Variants in TMEM131 observed in about 807,000 individuals in gnomAD.
The protein encoded by TMEM131 is 2610524E03Rik.
In TMEM131, 66 loss-of-function variants were observed where a neutral mutation model predicts 211.6. That is an observed-to-expected ratio of 0.31 (90% CI 0.26 to 0.38). TMEM131 has a LOEUF of 0.38. Among genes scored for constraint, TMEM131 ranks in the 10% least tolerant of loss-of-function variants. TMEM131 has a pLI of 1.00. For synonymous variants in TMEM131, 844 were observed against 841.3 expected (o/e 1.00, Z -0.06); for missense variants, 2,036 against 2,299.3 (o/e 0.89, Z 2.34).
chr2:97,897,323 T>C (rs1675655691), intron 3 of TMEM131, among the ~76,000 whole-genome samples: 1 of 152,092 alleles, frequency 6.6e-6, no homozygotes, highest in Non-Finnish European at 1.5e-5. Flanking sequence ...TTAATGTAAG[T>C]GATGAAAGTG....
intron 40 of TMEM131, among the ~76,000 whole-genome samples, chr2:97,758,085 T>C (rs1382299162): frequency 6.6e-6 from 1 of 151,764 alleles, no homozygotes; most frequent in African/African-American, 2.4e-5. Flanking sequence ...TGAGCCGAGA[T>C]TGTGCCACTG....
intron 24 of TMEM131, 58 bp downstream of exon 24, chr2:97,802,370 A>G: frequency 2.3e-6 from 3 of 1,290,950 alleles, no homozygotes; most frequent in South Asian, 1.4e-5. Flanking sequence ...TTTTAAGTGA[A>G]TAAAATACTA....
chr2:97,774,632 A>G lies in TMEM131; in HGVS notation c.4320+1211T>C, dbSNP rs1679627280. On this transcript the variant is annotated intron_variant, in intron 32 of 40. Coordinates refer to ENST00000186436, the MANE Select transcript of TMEM131 (RefSeq NM_015348.2). ...AAGAATGACATCAGTGGGTGAGCAC[A>G]GAACACTGGCCACTGGGGGCCGCTG... Among the ~76,000 whole-genome samples, 3 of 152,324 alleles carry G rather than the reference A, an allele frequency of 2.0e-5. No individual in the cohort carries two copies. In the South Asian group the frequency reaches 6.2e-4, roughly 32 times the overall value.
Position 97,814,048 on chromosome 2 carries a change from T to C in TMEM131, c.1540A>G (p.Ile514Val). The change falls in exon 15 of 41, where the codon ATT becomes GTT. Residue 514 changes from isoleucine to valine, a missense_variant. Coordinates refer to ENST00000186436, the MANE Select transcript of TMEM131 (RefSeq NM_015348.2). ...GTAATAAGTAAAATGTTGTTATCAA[T>C]GTGCATGGATGATGTGGAAGGCATA... ...LFMPSTSSMH[I>V]DNNILLITNA... 6.2e-7 allele frequency: 1 copy of C among 1,601,924 alleles called. No homozygotes were observed. Among genetic ancestry groups the C allele is most frequent in the Non-Finnish European group, 8.5e-7 (1 of 1,173,212 alleles).
At position 97,757,039 on chromosome 2, in the gene TMEM131, GAA is replaced by G. The variant is rs1678522008; in HGVS notation, c.*58_*59del. 1 of 1,497,224 alleles carries G rather than the reference GAA, an allele frequency of 6.7e-7. No homozygotes were observed. Among genetic ancestry groups the G allele is most frequent in the African/African-American group, 1.4e-5 (1 of 71,584 alleles). The allele number at this position is 1,497,224 out of a possible 1,614,324, so 92.7% of individuals were successfully genotyped here. On this transcript the variant is annotated 3_prime_UTR_variant, in exon 41 of 41. Coordinates refer to ENST00000186436, the MANE Select transcript of TMEM131 (RefSeq NM_015348.2). ...GTAAGAGCCTTAAAAAGATGTCTCAGAAACTGGCACATCATGATCTAGACGAG... is the reference window on the plus strand; with the variant it reads ...GTAAGAGCCTTAAAAAGATGTCTCAGACTGGCACATCATGATCTAGACGAG...
chr2:97,985,171 T>A (rs924355841), intron 1 of TMEM131, among the ~76,000 whole-genome samples: 1 of 152,146 alleles, frequency 6.6e-6, no homozygotes, highest in Non-Finnish European at 1.5e-5. Flanking sequence ...ACTTAAGGTA[T>A]TTTTCTCTTA....
At chr2:97,889,364 T>C (rs569194540) in intron 3 of TMEM131, among the ~76,000 whole-genome samples, 29 of 152,244 alleles carry the variant, frequency 1.9e-4, no homozygotes, top group African/African-American at 7.0e-4. Flanking sequence ...CATCTATTCC[T>C]TCCTGCTTTC....
In TMEM131 at chr2:97,817,723, T is replaced by C. The variant is rs187538956; in HGVS notation, c.1183+890A>G. Among the ~76,000 whole-genome samples, 211 of 152,270 alleles carry C rather than the reference T, an allele frequency of 1.4e-3. 1 individual carries two copies. The highest frequency in any genetic ancestry group is 4.8e-3 in the African/African-American group (200 of 41,556). ...AGACCCTCCCTAGAACTCTCCACAG[T>C]GAGCAGCAGGCATAGATACTCTCAT... On this transcript the variant is annotated intron_variant, in intron 12 of 40. Transcript: ENST00000186436.
intron 5 of TMEM131, among the ~76,000 whole-genome samples, chr2:97,855,082 C>T (rs1029934935): frequency 1.3e-5 from 2 of 152,218 alleles, no homozygotes; most frequent in Non-Finnish European, 2.9e-5. Context: ...TCTCTGTTTT[C>T]ACTGGTAAAA....
intron 38 of TMEM131, 76 bp downstream of exon 38, chr2:97,760,517 A>G: frequency 1.5e-6 from 2 of 1,300,244 alleles, no homozygotes; most frequent in East Asian, 2.5e-5. Context: ...CCTGAAACCC[A>G]TTTATGGATA....
chr2:97,943,042 AAAGAAAGAAAGAAAGAAAGAAAGAAAG>A (rs1677850960), intron 1 of TMEM131, among the ~76,000 whole-genome samples: 1 of 48,194 alleles, frequency 2.1e-5, no homozygotes, highest in Admixed American at 2.3e-4. Context: ...AAAAGAAAAG[AAAGAAAGAAAGAAAGAAAGAAAGAAAG>A]AAAGAAAGAA....
At chr2:97,926,796 A>G (rs1677010412) in intron 2 of TMEM131, among the ~76,000 whole-genome samples, 1 of 152,234 alleles carries the variant, frequency 6.6e-6, no homozygotes, top group African/African-American at 2.4e-5. Context: ...AATTTTTAGA[A>G]TGGATTATCA....
intron 2 of TMEM131, among the ~76,000 whole-genome samples, chr2:97,922,264 ACTT>A (rs1289819322): frequency 6.6e-6 from 1 of 152,132 alleles, no homozygotes; most frequent in African/African-American, 2.4e-5. Flanking sequence ...GGTAATGTTC[ACTT>A]CTTCACCCAC....
Position 97,995,725 on chromosome 2 carries a change from C to A in TMEM131, c.-63G>T. ...GCGGCCCTTCTCGGCGAGGCGGCGG[C>A]GGCGCGGAAGCCGTGGTCCGGGCTC... On this transcript the variant is annotated 5_prime_UTR_variant, in exon 1 of 41. Coordinates refer to ENST00000186436, the MANE Select transcript of TMEM131 (RefSeq NM_015348.2). The A allele has an allele frequency of 8.8e-7, 1 of 1,134,616 alleles. No homozygotes were observed. The highest frequency in any genetic ancestry group is 1.1e-6 in the Non-Finnish European group (1 of 919,062). The allele number at this position is 1,134,616 out of a possible 1,614,324, so 70.3% of individuals were successfully genotyped here.
intron 3 of TMEM131, among the ~76,000 whole-genome samples, chr2:97,893,623 T>G (rs1374267622): frequency 1.3e-5 from 2 of 152,256 alleles, no homozygotes; most frequent in Non-Finnish European, 2.9e-5. Flanking sequence ...AGTTTTGATT[T>G]GCATTTCTCT....
chr2:97,774,380 A>C (rs1305823402), intron 32 of TMEM131, among the ~76,000 whole-genome samples: 2 of 152,268 alleles, frequency 1.3e-5, no homozygotes, highest in Non-Finnish European at 2.9e-5. Context: ...GACCTATCAA[A>C]GTTGTGATTT....
Position 97,802,749 on chromosome 2 carries a change from T to C in TMEM131, c.2444A>G (p.Asn815Ser), listed in dbSNP as rs754544211. 47 of 1,572,944 alleles carry C rather than the reference T, an allele frequency of 3.0e-5. 1 individual carries two copies. Among genetic ancestry groups the C allele is most frequent in the Non-Finnish European group, 3.9e-5 (45 of 1,165,024 alleles). ...IFEVNTDLQKNIISKITAELS... is the reference protein window; with the variant it reads ...IFEVNTDLQKSIISKITAELS... ...CTCAGCAGTGATTTTTGATATTATATTTTTTTGAAGGTCTGTATTTACTTC... is the reference window on the plus strand; with the variant it reads ...CTCAGCAGTGATTTTTGATATTATACTTTTTTGAAGGTCTGTATTTACTTC... The change falls in exon 23 of 41, where the codon AAT becomes AGT. Residue 815 changes from asparagine to serine, a missense_variant. This residue lies in a region of TMEM131 where 1,623 missense variants were observed against 1,805.9 expected (regional missense o/e 0.90). Coordinates refer to ENST00000186436, the MANE Select transcript of TMEM131 (RefSeq NM_015348.2).
intron 13 of TMEM131, among the ~76,000 whole-genome samples, chr2:97,814,832 T>C (rs1681741604): frequency 6.6e-6 from 1 of 152,178 alleles, no homozygotes; most frequent in East Asian, 1.9e-4. Context: ...TAAAGGAATA[T>C]AAAGAATTCT....
At chr2:97,765,910 C>A (rs1234844919) in intron 35 of TMEM131, among the ~76,000 whole-genome samples, 2 of 151,908 alleles carry the variant, frequency 1.3e-5, no homozygotes, top group African/African-American at 2.4e-5. Flanking sequence ...TTGAATGAGT[C>A]CCCTGATGTA....
Sources: allele counts gnomAD v4.1 joint callset (sites outside exome capture counted in the v4.1 genomes callset), GRCh38; gene constraint gnomAD v4.1.1; regional missense constraint gnomAD v4.1.1; transcripts MANE v1.5; gene names NCBI Gene and HGNC (gene_info 2026-07-23, HGNC 2026-07-21).